The following MDGA2 variants were observed in gnomAD, a reference collection of about 807,000 sequenced individuals.
The protein encoded by MDGA2 is MAM domain containing glycosylphosphatidylinositol anchor 2.
Under a neutral mutation model 117.8 loss-of-function variants are expected in MDGA2, and 40 were observed. That is an observed-to-expected ratio of 0.34 (90% CI 0.26 to 0.44). The LOEUF is 0.44. Ranked by LOEUF, MDGA2 falls within the 20% of genes least tolerant of loss-of-function variation. The pLI is 1.00. For synonymous variants in MDGA2, 452 were observed against 439.0 expected (o/e 1.03, Z -0.37); for missense variants, 1,123 against 1,250.6 (o/e 0.90, Z 1.54).
intron 7 of MDGA2, among the ~76,000 whole-genome samples, chr14:47,056,784 T>C (rs1311176238): frequency 6.6e-6 from 1 of 152,150 alleles, no homozygotes; most frequent in Non-Finnish European, 1.5e-5. Context: ...GTATAACGAT[T>C]ATATTTTTGC....
intron 3 of MDGA2, among the ~76,000 whole-genome samples, chr14:47,194,896 G>C (rs1885234984): frequency 6.6e-6 from 1 of 151,896 alleles, no homozygotes; most frequent in African/African-American, 2.4e-5. Flanking sequence ...TAGCCATTTA[G>C]CTATAAAATA....
At chr14:47,223,384 A>G (rs989632871) in intron 2 of MDGA2, among the ~76,000 whole-genome samples, 2 of 152,192 alleles carry the variant, frequency 1.3e-5, no homozygotes, top group African/African-American at 4.8e-5. Flanking sequence ...TTCAGTACTC[A>G]TCAGCATTTA....
chr14:47,546,350 G>C (rs1406646004), intron 1 of MDGA2, among the ~76,000 whole-genome samples: 1 of 152,124 alleles, frequency 6.6e-6, no homozygotes, highest in Non-Finnish European at 1.5e-5. Flanking sequence ...AAGGGGGTCA[G>C]GTGGTTGCTC....
chr14:47,304,411 A>G (rs977365077), intron 1 of MDGA2, among the ~76,000 whole-genome samples: 3 of 152,130 alleles, frequency 2.0e-5, no homozygotes, highest in African/African-American at 7.2e-5. Flanking sequence ...TAGTGTTCTA[A>G]ATAACTCCCA....
At chr14:46,947,838 A>T (rs910521889) in intron 9 of MDGA2, among the ~76,000 whole-genome samples, 2 of 138,568 alleles carry the variant, frequency 1.4e-5, no homozygotes, top group Admixed American at 7.0e-5. Context: ...TTTCTAATTT[A>T]AAAAAAAAAT....
chr14:47,281,208 A>G (rs939255452), intron 2 of MDGA2, among the ~76,000 whole-genome samples: 5 of 151,200 alleles, frequency 3.3e-5, no homozygotes, highest in Non-Finnish European at 4.4e-5. Flanking sequence ...TTTTTTTTCA[A>G]TTAGAATCTG....
intron 1 of MDGA2, among the ~76,000 whole-genome samples, chr14:47,478,049 T>C (rs1273663257): frequency 6.6e-6 from 1 of 152,194 alleles, no homozygotes; most frequent in East Asian, 1.9e-4. Flanking sequence ...CTGGAACATA[T>C]TATTTTTGTT....
At chr14:47,614,388 C>T (rs1371004196) in intron 1 of MDGA2, among the ~76,000 whole-genome samples, 1 of 152,148 alleles carries the variant, frequency 6.6e-6, no homozygotes, top group African/African-American at 2.4e-5. Flanking sequence ...TCGCATCCGG[C>T]CACTTTTTCA....
intron 3 of MDGA2, among the ~76,000 whole-genome samples, chr14:47,214,489 T>C (rs963463792): frequency 3.9e-5 from 6 of 152,260 alleles, no homozygotes; most frequent in African/African-American, 1.2e-4. Flanking sequence ...TTGATTAACA[T>C]AGTAAAAAAA....
chr14:47,180,832 A>C (rs944122630), intron 3 of MDGA2, among the ~76,000 whole-genome samples: 9 of 152,128 alleles, frequency 5.9e-5, no homozygotes, highest in African/African-American at 1.9e-4. Context: ...GAGGTAGGAG[A>C]ATCGCTTGAA....
At chr14:47,272,598 T>C (rs1402477848) in intron 2 of MDGA2, among the ~76,000 whole-genome samples, 1 of 152,144 alleles carries the variant, frequency 6.6e-6, no homozygotes, top group Non-Finnish European at 1.5e-5. Context: ...ACTCCACTTT[T>C]TCCCTAGTAC....
At chr14:47,039,259 G>T (rs1888975587) in intron 7 of MDGA2, among the ~76,000 whole-genome samples, 1 of 152,074 alleles carries the variant, frequency 6.6e-6, no homozygotes, top group Non-Finnish European at 1.5e-5. Flanking sequence ...TCAAGCCTAA[G>T]CACCATTTTA....
At chr14:46,923,254 T>G (rs1428709770) in intron 9 of MDGA2, among the ~76,000 whole-genome samples, 1 of 152,176 alleles carries the variant, frequency 6.6e-6, no homozygotes, top group Non-Finnish European at 1.5e-5. Context: ...GACTTTCCAA[T>G]GTATTTTTTT....
chr14:47,587,149 G>T (rs1811763670), intron 1 of MDGA2, among the ~76,000 whole-genome samples: 1 of 151,682 alleles, frequency 6.6e-6, no homozygotes, highest in Admixed American at 6.6e-5. Flanking sequence ...AAATACGCTG[G>T]GGCCTATCAG....
chr14:47,491,273 A>G (rs1002818620), intron 1 of MDGA2, among the ~76,000 whole-genome samples: 2 of 152,116 alleles, frequency 1.3e-5, no homozygotes, highest in Non-Finnish European at 2.9e-5. Context: ...GAAGAGCACA[A>G]CTGGCCCTAA....
At chr14:47,211,363 C>T (rs1462767479) in intron 3 of MDGA2, among the ~76,000 whole-genome samples, 2 of 152,140 alleles carry the variant, frequency 1.3e-5, no homozygotes, top group African/African-American at 2.4e-5. Flanking sequence ...ACTCCTGGGT[C>T]TGAGAGAAAA....
At position 47,035,064 on chromosome 14, in the gene MDGA2, T is replaced by A; in HGVS notation, c.1766A>T (p.Tyr589Phe). 6.8e-6 allele frequency: 11 copies of A among 1,614,134 alleles called. No homozygotes were observed. Among genetic ancestry groups the A allele is most frequent in the Non-Finnish European group, 9.3e-6 (11 of 1,180,020 alleles). ...SGMYRCQTSQ[Y>F]NGFNVKPREA... ...CCTTGGTTTCACGTTAAATCCATTG[T>A]ATTGGCTGGTCTGACATCTGTACAT... Residue 589 changes from tyrosine to phenylalanine, a missense_variant, in exon 8 of 17, where the codon TAC (tyrosine) becomes TTC (phenylalanine). Coordinates refer to ENST00000399232, the MANE Select transcript of MDGA2 (RefSeq NM_001113498.3).
intron 5 of MDGA2, among the ~76,000 whole-genome samples, chr14:47,116,075 T>C (rs1179555358): frequency 1.3e-5 from 2 of 151,948 alleles, no homozygotes; most frequent in Non-Finnish European, 2.9e-5. Flanking sequence ...AATTGCAGGA[T>C]ACAAAATAAA....
intron 5 of MDGA2, among the ~76,000 whole-genome samples, chr14:47,112,297 C>G (rs1270015298): frequency 6.6e-6 from 1 of 152,118 alleles, no homozygotes; most frequent in Admixed American, 6.6e-5. Context: ...AGCTTTGTTA[C>G]ATAGGTAAAC....
Sources: allele counts gnomAD v4.1 joint callset (sites outside exome capture counted in the v4.1 genomes callset), GRCh38; gene constraint gnomAD v4.1.1; transcripts MANE v1.5; gene names NCBI Gene and HGNC (gene_info 2026-07-23, HGNC 2026-07-21).